Variants in CNTNAP2 observed in about 807,000 individuals in gnomAD.
The protein encoded by CNTNAP2 is contactin-associated protein-like 2.
Under a neutral mutation model 155.2 loss-of-function variants are expected in CNTNAP2, and 98 were observed. The ratio of observed to expected loss-of-function variants is 0.63; its 90% confidence interval spans 0.54 to 0.75. The LOEUF is 0.75. Ranked by LOEUF, CNTNAP2 falls within the 30% of genes least tolerant of loss-of-function variation. CNTNAP2 has a pLI of 0.00. For synonymous variants in CNTNAP2, 651 were observed against 631.2 expected, an observed-to-expected ratio of 1.03 and a Z score of -0.47; for missense variants, 1,727 against 1,688.1, an observed-to-expected ratio of 1.02 and a Z score of -0.40.
intron 14 of CNTNAP2, among the ~76,000 whole-genome samples, chr7:147,941,168 G>A (rs1037807341): frequency 3.3e-5 from 5 of 152,180 alleles, no homozygotes; most frequent in African/African-American, 9.7e-5. Context: ...ACTGTGCCCC[G>A]GAGACTGGAA....
intron 14 of CNTNAP2, among the ~76,000 whole-genome samples, chr7:147,960,965 A>G (rs1801109675): frequency 6.6e-6 from 1 of 152,200 alleles, no homozygotes; most frequent in African/African-American, 2.4e-5. Context: ...TAGTTGGTGA[A>G]GTTAACTCAA....
At chr7:146,496,416 G>A (rs1222378748) in intron 1 of CNTNAP2, among the ~76,000 whole-genome samples, 1 of 152,096 alleles carries the variant, frequency 6.6e-6, no homozygotes, top group Non-Finnish European at 1.5e-5. Flanking sequence ...TAAATACATT[G>A]AATTTAATCC....
chr7:146,154,317 T>C (rs934703267), intron 1 of CNTNAP2, among the ~76,000 whole-genome samples: 1 of 152,196 alleles, frequency 6.6e-6, no homozygotes, highest in Non-Finnish European at 1.5e-5. Flanking sequence ...TTTTGGTTGT[T>C]TTTCAGTTTT....
chr7:147,583,225 C>T (rs10226499), intron 12 of CNTNAP2, among the ~76,000 whole-genome samples: 100,052 of 151,556 alleles, frequency 0.66, 33,501 homozygotes, highest in African/African-American at 0.76. Flanking sequence ...CTACTGCATC[C>T]TCTCTCTATG....
At chr7:146,723,848 A>G (rs993863389) in intron 1 of CNTNAP2, among the ~76,000 whole-genome samples, 3 of 152,166 alleles carry the variant, frequency 2.0e-5, no homozygotes, top group Non-Finnish European at 2.9e-5. Flanking sequence ...TCTATAGGCT[A>G]TTGCATTTTG....
chr7:146,665,872 A>AATATTTAT (rs1188794149), intron 1 of CNTNAP2, among the ~76,000 whole-genome samples: 2 of 151,202 alleles, frequency 1.3e-5, no homozygotes, highest in East Asian at 3.9e-4. Context: ...CTGACATAAA[A>AATATTTAT]ATATTTATGT....
At chr7:146,745,785 G>T (rs530810634) in intron 1 of CNTNAP2, among the ~76,000 whole-genome samples, 2,315 of 149,150 alleles carry the variant, frequency 0.016, 25 homozygotes, top group Non-Finnish European at 0.022. Context: ...AAAAAAAGAG[G>T]TCTGTTAAGG....
chr7:148,317,177 G>T (rs1797706075), intron 21 of CNTNAP2, among the ~76,000 whole-genome samples: 2 of 152,184 alleles, frequency 1.3e-5, no homozygotes, highest in Non-Finnish European at 2.9e-5. Context: ...CCAACATGGT[G>T]AAACTCTGTC....
At chr7:147,675,304 G>T (rs1297710550) in intron 13 of CNTNAP2, among the ~76,000 whole-genome samples, 1 of 152,046 alleles carries the variant, frequency 6.6e-6, no homozygotes, top group Non-Finnish European at 1.5e-5. Flanking sequence ...TTAATTTTGA[G>T]ATCCTTAACT....
At chr7:146,197,848 ACTAC>A (rs1798798521) in intron 1 of CNTNAP2, among the ~76,000 whole-genome samples, 1 of 152,178 alleles carries the variant, frequency 6.6e-6, no homozygotes, top group African/African-American at 2.4e-5. Flanking sequence ...CTATAAAAAT[ACTAC>A]CTGAGACTGG....
intron 17 of CNTNAP2, among the ~76,000 whole-genome samples, chr7:148,159,225 AATTTC>A (rs1278420017): frequency 6.6e-6 from 1 of 151,878 alleles, no homozygotes; most frequent in Non-Finnish European, 1.5e-5. Flanking sequence ...CTTTCATTTT[AATTTC>A]ATTTTATTAC....
At chr7:147,391,788 CT>C (rs766828759) in intron 9 of CNTNAP2, among the ~76,000 whole-genome samples, 4 of 152,042 alleles carry the variant, frequency 2.6e-5, no homozygotes, top group Non-Finnish European at 4.4e-5. Context: ...TATAGTCACG[CT>C]TCCTTGTCAT....
At chr7:147,171,064 C>A (rs541269782) in intron 8 of CNTNAP2, among the ~76,000 whole-genome samples, 1 of 152,292 alleles carries the variant, frequency 6.6e-6, no homozygotes, top group East Asian at 1.9e-4. Flanking sequence ...TATCAAATCT[C>A]CCAGGAGATG....
intron 11 of CNTNAP2, among the ~76,000 whole-genome samples, chr7:147,510,025 T>C (rs991666556): frequency 5.3e-5 from 8 of 152,158 alleles, no homozygotes; most frequent in African/African-American, 1.9e-4. Context: ...TACAGACTCC[T>C]GGGCACCATC....
chr7:147,928,957 T>G (rs555403148), intron 14 of CNTNAP2, among the ~76,000 whole-genome samples: 2 of 151,790 alleles, frequency 1.3e-5, no homozygotes, highest in East Asian at 3.9e-4. Flanking sequence ...CTGGGTGTGG[T>G]GGCACACACC....
chr7:147,921,083 A>T (rs183778811), intron 14 of CNTNAP2, among the ~76,000 whole-genome samples: 1 of 151,890 alleles, frequency 6.6e-6, no homozygotes, highest in Non-Finnish European at 1.5e-5. Flanking sequence ...TGCTGAGATT[A>T]CAGGTGTGAG....
intron 9 of CNTNAP2, among the ~76,000 whole-genome samples, chr7:147,304,068 T>C (rs1794986790): frequency 6.6e-6 from 1 of 152,208 alleles, no homozygotes; most frequent in Admixed American, 6.5e-5. Context: ...TTGTGTAGCT[T>C]TCTTTGCAGC....
chr7:147,499,719 G>C (rs990728788), intron 11 of CNTNAP2, among the ~76,000 whole-genome samples: 3 of 152,162 alleles, frequency 2.0e-5, no homozygotes, highest in African/African-American at 7.2e-5. Context: ...AAGCAGGAGG[G>C]AGAAAGAATA....
intron 1 of CNTNAP2, among the ~76,000 whole-genome samples, chr7:146,704,714 C>CA (rs1800934201): frequency 6.6e-6 from 1 of 152,110 alleles, no homozygotes; most frequent in East Asian, 1.9e-4. Flanking sequence ...TAAATATTCT[C>CA]CATATCCTAC....
Sources: gnomAD v4.1 joint callset for allele counts (sites outside exome capture counted in the v4.1 genomes callset) on GRCh38, gnomAD v4.1.1 for gene constraint, MANE v1.5 for transcripts, NCBI Gene and HGNC (gene_info 2026-07-23, HGNC 2026-07-21) for gene names.